DPY19L2: variants seen among roughly 807,000 people sequenced by gnomAD.
DPY19L2 encodes dpy-19 like 2, also known as probable C-mannosyltransferase DPY19L2.
Under a neutral mutation model 97.9 loss-of-function variants are expected in DPY19L2, and 34 were observed. The ratio of observed to expected loss-of-function variants is 0.35; its 90% CI spans 0.26 to 0.46. DPY19L2 has a LOEUF of 0.46. Among genes scored for constraint, DPY19L2 ranks in the 20% least tolerant of loss-of-function variants. The pLI is 1.00. For synonymous variants in DPY19L2, 230 were observed against 307.9 expected, an observed-to-expected ratio of 0.75 and a Z score of 2.65; for missense variants, 623 against 911.4, an observed-to-expected ratio of 0.68 and a Z score of 4.07.
At chr12:63,594,283 A>T (rs549296354) in intron 15 of DPY19L2, 150 bp from the exon 16 acceptor site, 1 of 551,912 alleles carries the variant, frequency 1.8e-6, no homozygotes, top group East Asian at 3.6e-5. Flanking sequence ...CATACTATAG[A>T]TGCCTTCCTT....
At chr12:63,590,027 C>T (rs902255653) in intron 16 of DPY19L2, among the ~76,000 whole-genome samples, 10 of 152,062 alleles carry the variant, frequency 6.6e-5, no homozygotes, top group African/African-American at 2.4e-4. Flanking sequence ...ACTCCAGAGG[C>T]TGGGGCAGGA....
Position 63,630,781 on chromosome 12 carries a change from A to G in DPY19L2, c.804-4255T>C, listed in dbSNP as rs145650417. On this transcript the variant is annotated intron_variant, in intron 6 of 21. Transcript: ENST00000324472. ...GAATATACATTCTTCTCAGCACCAC[A>G]CCGCACTTATTCCAAAATTAACCAC... is the stretch of plus-strand genomic sequence containing the variant. 9.9e-3 allele frequency among the ~76,000 whole-genome samples: 1,507 copies of G among 152,244 alleles called. 18 individuals are homozygous for G. The highest frequency in any genetic ancestry group is 0.034 in the African/African-American group (1,413 of 41,528).
intron 4 of DPY19L2, among the ~76,000 whole-genome samples, chr12:63,652,626 A>C (rs1466649410): frequency 3.9e-5 from 6 of 152,212 alleles, no homozygotes; most frequent in Non-Finnish European, 7.3e-5. Flanking sequence ...CTTTGCAGCA[A>C]CATGAAAGGA....
At chr12:63,603,929 A>G (rs1178969916) in intron 12 of DPY19L2, among the ~76,000 whole-genome samples, 2 of 152,190 alleles carry the variant, frequency 1.3e-5, no homozygotes, top group Non-Finnish European at 2.9e-5. Context: ...CTGGTACAAA[A>G]ACAGGCACAT....
intron 16 of DPY19L2, among the ~76,000 whole-genome samples, chr12:63,585,025 T>C (rs1881544372): frequency 6.6e-6 from 1 of 152,126 alleles, no homozygotes; most frequent in Non-Finnish European, 1.5e-5. Context: ...CAGAAATGTG[T>C]TCCGATGGTG....
chr12:63,593,801 A>T (rs569429667), intron 16 of DPY19L2, among the ~76,000 whole-genome samples: 4,492 of 110,904 alleles, frequency 0.041, 104 homozygotes, highest in Middle Eastern at 0.088. Flanking sequence ...AATAAAAATA[A>T]AAAAAAATAA....
In DPY19L2 at chr12:63,663,816, T is replaced by C. The variant is rs1895989298; in HGVS notation, c.392A>G (p.Asp131Gly). The C allele has an allele frequency of 6.2e-7, 1 of 1,605,522 alleles. No individual in the cohort carries two copies. Among genetic ancestry groups the C allele is most frequent in the Non-Finnish European group, 8.5e-7 (1 of 1,177,562 alleles). Residue 131 changes from aspartate (D) to glycine (G), a missense_variant, in exon 3 of 22, where the codon GAT (aspartate) becomes GGT (glycine). Transcript: ENST00000324472. ...WLHLVTLFEN[D>G]RHFSHLSSLE... ...AGATGAGAGGTGAGAGAAATGACGATCATTTTCAAAAAGTGTTACTAAATG... is the reference window on the plus strand; with the variant it reads ...AGATGAGAGGTGAGAGAAATGACGACCATTTTCAAAAAGTGTTACTAAATG...
intron 7 of DPY19L2, among the ~76,000 whole-genome samples, chr12:63,626,061 T>A (rs1016901901): frequency 1.3e-5 from 2 of 149,040 alleles, no homozygotes; most frequent in African/African-American, 4.9e-5. Context: ...TCCAGCTTCA[T>A]CATGTAGTAA....
At chr12:63,646,119 TTATTTGTAATATCCA>T (rs1412250514) in intron 5 of DPY19L2, among the ~76,000 whole-genome samples, 70 of 152,224 alleles carry the variant, frequency 4.6e-4, no homozygotes, top group Non-Finnish European at 8.5e-4. Context: ...CCTTATTTTC[TTATTTGTAATATCCA>T]TCACAGTTGT....
intron 4 of DPY19L2, among the ~76,000 whole-genome samples, chr12:63,656,198 A>G (rs1318663701): frequency 6.6e-6 from 1 of 152,152 alleles, no homozygotes. Context: ...CTGACCCAAC[A>G]TGATTAAATC....
At chr12:63,639,667 G>T (rs1038487711) in intron 6 of DPY19L2, among the ~76,000 whole-genome samples, 6 of 152,160 alleles carry the variant, frequency 3.9e-5, no homozygotes, top group Admixed American at 3.9e-4. Flanking sequence ...TCTCACACCA[G>T]TTAGAATGGC....
chr12:63,667,146 T>C (rs1230731957), intron 1 of DPY19L2, among the ~76,000 whole-genome samples: 3 of 152,120 alleles, frequency 2.0e-5, no homozygotes, highest in Non-Finnish European at 4.4e-5. Context: ...TTTTAAAAGG[T>C]TGAAAACTTT....
At chr12:63,591,599 C>T (rs962625720) in intron 16 of DPY19L2, among the ~76,000 whole-genome samples, 2 of 152,074 alleles carry the variant, frequency 1.3e-5, no homozygotes, top group African/African-American at 4.8e-5. Context: ...TTGCTGGCAT[C>T]TGCTTATGCT....
intron 18 of DPY19L2, 52 bp downstream of exon 18, chr12:63,582,354 G>C (rs1881076352): frequency 2.5e-6 from 4 of 1,578,104 alleles, no homozygotes; most frequent in South Asian, 2.4e-5. Context: ...TAACTACTAA[G>C]TATAGCTGCT....
chr12:63,652,009 T>C (rs1894308212), intron 4 of DPY19L2: 2 of 229,490 alleles, frequency 8.7e-6, no homozygotes, highest in Non-Finnish European at 1.8e-5. Flanking sequence ...CATCTCCTCC[T>C]CACAGCCCAC....
chr12:63,654,620 T>A (rs1024940968), intron 4 of DPY19L2, among the ~76,000 whole-genome samples: 1 of 151,750 alleles, frequency 6.6e-6, no homozygotes, highest in African/African-American at 2.4e-5. Context: ...AGGCTGAAAG[T>A]GAAAGGATGG....
chr12:63,574,932 A>T (rs1449198492), intron 19 of DPY19L2, among the ~76,000 whole-genome samples: 1 of 151,990 alleles, frequency 6.6e-6, no homozygotes, highest in Non-Finnish European at 1.5e-5. Context: ...GAAACACTGA[A>T]CTTAATCTGC....
intron 12 of DPY19L2, among the ~76,000 whole-genome samples, chr12:63,604,982 C>T (rs1458291385): frequency 6.6e-6 from 1 of 152,108 alleles, no homozygotes; most frequent in East Asian, 1.9e-4. Context: ...TTTCAGCAGA[C>T]AGTCACTTTG....
At chr12:63,627,853 C>T (rs1386169228) in intron 6 of DPY19L2, among the ~76,000 whole-genome samples, 2 of 152,110 alleles carry the variant, frequency 1.3e-5, no homozygotes, top group East Asian at 3.8e-4. Context: ...CCCAGCTTCA[C>T]ACTTGGAAGA....
Sources: allele counts gnomAD v4.1 joint callset (sites outside exome capture counted in the v4.1 genomes callset), GRCh38; gene constraint gnomAD v4.1.1; transcripts MANE v1.5; gene names NCBI Gene and HGNC (gene_info 2026-07-23, HGNC 2026-07-21).